The following GNAL variants were observed in gnomAD, a reference collection of about 807,000 sequenced individuals.
GNAL encodes guanine nucleotide-binding protein G(olf) subunit alpha.
A neutral mutation model predicts 55.1 loss-of-function variants in GNAL; 18 were observed. That is an observed-to-expected ratio of 0.33 (90% CI 0.23 to 0.48). The LOEUF (loss-of-function observed/expected upper bound fraction) is 0.48, where lower values mean the gene tolerates loss of function less well. GNAL is among the 20% of genes least tolerant of loss of function. GNAL has a pLI of 0.99. For missense variants in GNAL, 412 were observed against 614.1 expected (o/e 0.67, Z 3.48); for synonymous variants, 253 against 237.0 (o/e 1.07, Z -0.62).
At chr18:11,822,833 T>TC (rs2035140721) in intron 4 of GNAL, among the ~76,000 whole-genome samples, 1 of 151,588 alleles carries the variant, frequency 6.6e-6, no homozygotes, top group African/African-American at 2.4e-5. Flanking sequence ...TTTTTTTTTT[T>TC]TTTTTTGACC....
At chr18:11,750,392 G>C (rs1307054472) in intron 1 of GNAL, among the ~76,000 whole-genome samples, 1 of 152,244 alleles carries the variant, frequency 6.6e-6, no homozygotes, top group East Asian at 1.9e-4. Flanking sequence ...GGGATCCGCG[G>C]TGGGCACGGT....
intron 4 of GNAL, among the ~76,000 whole-genome samples, chr18:11,762,416 A>G (rs1598436360): frequency 6.6e-6 from 1 of 152,210 alleles, no homozygotes; most frequent in Non-Finnish European, 1.5e-5. Flanking sequence ...CAAGATGAAT[A>G]AGGAACAGCA....
At chr18:11,809,122 G>A (rs1431432401) in intron 4 of GNAL, among the ~76,000 whole-genome samples, 1 of 152,144 alleles carries the variant, frequency 6.6e-6, no homozygotes, top group East Asian at 1.9e-4. Flanking sequence ...GCTAGGTGTT[G>A]TGGCATGCAC....
intron 5 of GNAL, among the ~76,000 whole-genome samples, chr18:11,858,014 C>A (rs2036048417): frequency 1.3e-5 from 2 of 152,146 alleles, no homozygotes; most frequent in South Asian, 4.1e-4. Flanking sequence ...TCAGTTGGTA[C>A]TTTTTTTCTC....
chr18:11,834,341 T>C (rs972212516), intron 5 of GNAL, among the ~76,000 whole-genome samples: 31 of 152,258 alleles, frequency 2.0e-4, no homozygotes, highest in South Asian at 2.1e-4. Flanking sequence ...GTAGCAAAAA[T>C]GGGGTCTTTT....
intron 1 of GNAL, among the ~76,000 whole-genome samples, chr18:11,732,216 T>C (rs1231759793): frequency 6.6e-6 from 1 of 152,262 alleles, no homozygotes; most frequent in Admixed American, 6.5e-5. Flanking sequence ...CTGGGTCATG[T>C]GGTAACTGTA....
At chr18:11,861,956 G>A (rs954404446) in intron 5 of GNAL, among the ~76,000 whole-genome samples, 24 of 76,374 alleles carry the variant, frequency 3.1e-4, no homozygotes, top group South Asian at 1.2e-3. Flanking sequence ...ACATATTCAC[G>A]CAGTCATACA....
At chr18:11,797,227 C>T (rs1255341298) in intron 4 of GNAL, among the ~76,000 whole-genome samples, 3 of 152,300 alleles carry the variant, frequency 2.0e-5, no homozygotes, top group South Asian at 2.1e-4. Flanking sequence ...CCACCGCACC[C>T]GGCCAGAACT....
chr18:11,742,867 T>C (rs1048901513), intron 1 of GNAL, among the ~76,000 whole-genome samples: 1 of 152,170 alleles, frequency 6.6e-6, no homozygotes, highest in African/African-American at 2.4e-5. Flanking sequence ...CACACTGCCC[T>C]CTGAGTGAGT....
intron 4 of GNAL, among the ~76,000 whole-genome samples, chr18:11,797,128 C>T (rs1405726658): frequency 6.6e-6 from 1 of 152,128 alleles, no homozygotes; most frequent in African/African-American, 2.4e-5. Context: ...GACGGGTTTT[C>T]GCCATGTTGG....
chr18:11,806,818 T>C (rs1438705328), intron 4 of GNAL, among the ~76,000 whole-genome samples: 2 of 151,874 alleles, frequency 1.3e-5, no homozygotes, highest in Non-Finnish European at 2.9e-5. Context: ...AGCTCACACT[T>C]ATAGGTGAGA....
chr18:11,874,768 C>A (rs2036490305), intron 10 of GNAL, among the ~76,000 whole-genome samples: 1 of 147,978 alleles, frequency 6.8e-6, no homozygotes, highest in South Asian at 2.2e-4. Flanking sequence ...CACTCCAGAA[C>A]ACAGCCCAGG....
chr18:11,708,164 A>G (rs150930325), intron 1 of GNAL, among the ~76,000 whole-genome samples: 62 of 152,288 alleles, frequency 4.1e-4, no homozygotes, highest in African/African-American at 1.3e-3. Flanking sequence ...AAGAGACCCA[A>G]CTTTTGGCCT....
intron 4 of GNAL, among the ~76,000 whole-genome samples, chr18:11,779,096 G>C (rs1011636446): frequency 6.6e-6 from 1 of 152,190 alleles, no homozygotes; most frequent in Non-Finnish European, 1.5e-5. Flanking sequence ...TAGAGGTGAG[G>C]AAGGGGCAAC....
chr18:11,849,517 AAAAAG>A (rs1365078543), intron 5 of GNAL, among the ~76,000 whole-genome samples: 5 of 132,414 alleles, frequency 3.8e-5, no homozygotes, highest in African/African-American at 5.2e-5. Flanking sequence ...AAAAAAAAAA[AAAAAG>A]AAAGAAAAGA....
At chr18:11,715,804 G>C (rs1488838343) in intron 1 of GNAL, among the ~76,000 whole-genome samples, 1 of 152,028 alleles carries the variant, frequency 6.6e-6, no homozygotes, top group Non-Finnish European at 1.5e-5. Context: ...TGGGAGCAGG[G>C]TGGTAGTAAT....
chr18:11,740,067 C>CTATT (rs113737026), intron 1 of GNAL, among the ~76,000 whole-genome samples: 5,863 of 151,914 alleles, frequency 0.039, 180 homozygotes, highest in African/African-American at 0.083. Flanking sequence ...CCTCCCTTTT[C>CTATT]TATTTATGTA....
At chr18:11,824,842 G>A (rs931276967) in intron 4 of GNAL, 76 bp from the exon 5 acceptor site, 10 of 807,424 alleles carry the variant, frequency 1.2e-5, no homozygotes, top group Non-Finnish European at 2.0e-5. Flanking sequence ...AGTTTTTGCA[G>A]TTTCTTTTTC....
chr18:11,796,575 C>CAAAAAAAAAAAAAAAAA (rs760136358), intron 4 of GNAL, among the ~76,000 whole-genome samples: 1 of 58,946 alleles, frequency 1.7e-5, no homozygotes, highest in African/African-American at 7.3e-5. Flanking sequence ...CTCCTTCTCA[C>CAAAAAAAAAAAAAAAAA]AAAAAAAAAA....
Sources: allele counts gnomAD v4.1 joint callset (sites outside exome capture counted in the v4.1 genomes callset), GRCh38; gene constraint gnomAD v4.1.1; transcripts MANE v1.5; gene names NCBI Gene and HGNC (gene_info 2026-07-23, HGNC 2026-07-21).